The following SCLT1 variants were observed in gnomAD, a reference collection of about 807,000 sequenced individuals.
The protein encoded by SCLT1 is sodium channel-associated protein 1.
A neutral mutation model predicts 112.8 loss-of-function variants in SCLT1; 78 were observed. The ratio of observed to expected loss-of-function variants is 0.69; its 90% CI spans 0.58 to 0.83. The LOEUF is 0.83. Ranked by LOEUF, SCLT1 falls within the 40% of genes least tolerant of loss-of-function variation. The pLI is 0.00. For synonymous variants in SCLT1, 257 were observed against 254.7 expected, an observed-to-expected ratio of 1.01 and a Z score of -0.09; for missense variants, 747 against 770.4, an observed-to-expected ratio of 0.97 and a Z score of 0.36.
chr4:129,067,415 T>C (rs1750589136), intron 2 of SCLT1, among the ~76,000 whole-genome samples: 1 of 151,694 alleles, frequency 6.6e-6, no homozygotes, highest in South Asian at 2.1e-4. Flanking sequence ...TACCTCTTGG[T>C]GAACAAAATA....
chr4:129,091,960 G>A (rs1227825643), intron 1 of SCLT1, among the ~76,000 whole-genome samples: 1 of 152,120 alleles, frequency 6.6e-6, no homozygotes, highest in Non-Finnish European at 1.5e-5. Context: ...CGTTGCTCAA[G>A]CAAAAACTAA....
At chr4:128,972,707 C>A (rs1740794490) in intron 9 of SCLT1, among the ~76,000 whole-genome samples, 1 of 152,096 alleles carries the variant, frequency 6.6e-6, no homozygotes, top group Non-Finnish European at 1.5e-5. Context: ...CTTTTTCATT[C>A]TTTGGCCCAA....
chr4:129,028,588 A>G (rs934386862), intron 5 of SCLT1, among the ~76,000 whole-genome samples: 3 of 152,216 alleles, frequency 2.0e-5, no homozygotes, highest in African/African-American at 7.2e-5. Context: ...AAGAAAACCT[A>G]TGCATTACCA....
At chr4:129,063,189 T>C (rs1345384771) in intron 2 of SCLT1, among the ~76,000 whole-genome samples, 1 of 152,242 alleles carries the variant, frequency 6.6e-6, no homozygotes, top group Non-Finnish European at 1.5e-5. Flanking sequence ...CACTTTTCAT[T>C]TCATTAACTG....
At chr4:128,999,173 C>T (rs1579643907) in intron 7 of SCLT1, among the ~76,000 whole-genome samples, 2 of 152,046 alleles carry the variant, frequency 1.3e-5, no homozygotes, top group East Asian at 3.9e-4. Context: ...ATTAAGATAC[C>T]TTCCTGTTGT....
chr4:128,981,751 A>G (rs1741674766), intron 9 of SCLT1, among the ~76,000 whole-genome samples: 2 of 150,250 alleles, frequency 1.3e-5, no homozygotes, highest in South Asian at 2.1e-4. Context: ...AAAAAAAAAG[A>G]AAAAAAAAGA....
Position 128,888,739 on chromosome 4 carries a change from G to C in SCLT1, c.1944C>G (p.Ala648=), listed in dbSNP as rs760981423. ...GACTTAGACGCCTTTGAAGTCTGTT[G>C]GCTTTTTCTTGATGCTCTAGAATTA... The part of the protein sequence containing the change: ...EKLILEHQEK[A]NRLQRRLSQA... Residue 648 remains alanine, a synonymous_variant, in exon 20 of 21, where the codon GCC becomes GCG. Transcript: ENST00000281142. 8 of 1,612,568 alleles carry C rather than the reference G, an allele frequency of 5.0e-6. No individual in the cohort carries two copies. Among genetic ancestry groups the C allele is most frequent in the Admixed American group, 1.7e-5 (1 of 59,928 alleles).
intron 2 of SCLT1, among the ~76,000 whole-genome samples, chr4:129,075,454 T>C (rs1275510696): frequency 1.3e-5 from 2 of 152,208 alleles, no homozygotes; most frequent in African/African-American, 4.8e-5. Context: ...CCTAGCATCA[T>C]GGGATGATGC....
At position 128,906,837 on chromosome 4, in the gene SCLT1, T is replaced by C. The variant is rs1188375964; in HGVS notation, c.1830-15700A>G. 2.0e-5 allele frequency among the ~76,000 whole-genome samples: 3 copies of C among 152,194 alleles called. No individual in the cohort carries two copies. The South Asian group carries it at 6.2e-4, about 31-fold the overall frequency. ...CTAGTCACTGCCATAGTGAAACTTA[T>C]GAACCACTAGAAATATTGGAAAGCT... On this transcript the variant is annotated intron_variant, in intron 18 of 20. Coordinates refer to ENST00000281142, the MANE Select transcript of SCLT1 (RefSeq NM_144643.4).
intron 9 of SCLT1, among the ~76,000 whole-genome samples, chr4:128,975,136 T>C (rs187829031): frequency 6.8e-6 from 1 of 147,576 alleles, no homozygotes; most frequent in African/African-American, 2.6e-5. Flanking sequence ...CCTCCTGGGT[T>C]CACGCCATTC....
At chr4:128,888,650 T>C (rs757872627) in intron 20 of SCLT1, 29 bp downstream of exon 20, 1 of 1,330,522 alleles carries the variant, frequency 7.5e-7, no homozygotes, top group Non-Finnish European at 1.1e-6. Context: ...GAACTGTTTA[T>C]TATCTAGGGA....
rs140699277 is a variant in SCLT1, at chr4:129,062,342, G to C, written c.103-18291C>G. Among the ~76,000 whole-genome samples, 521 of 152,110 alleles carry C rather than the reference G, an allele frequency of 3.4e-3. 4 individuals are homozygous for C. The highest frequency in any genetic ancestry group is 4.9e-3 in the Non-Finnish European group (331 of 67,994). ...TATGTTGTTCTGGCTATCTTTGTGAGGGGAACAATTGCTAGAGTCTTCTAC... is the reference window on the plus strand; with the variant it reads ...TATGTTGTTCTGGCTATCTTTGTGACGGGAACAATTGCTAGAGTCTTCTAC... On this transcript the variant is annotated intron_variant, in intron 2 of 20. Transcript: ENST00000281142.
At chr4:129,010,727 G>A (rs1480031584) in intron 5 of SCLT1, among the ~76,000 whole-genome samples, 1 of 151,994 alleles carries the variant, frequency 6.6e-6, no homozygotes. Context: ...TGGCTTGACT[G>A]TTTTTTTGTG....
chr4:129,010,313 T>C (rs1191350816), intron 5 of SCLT1, among the ~76,000 whole-genome samples: 1 of 152,238 alleles, frequency 6.6e-6, no homozygotes, highest in Non-Finnish European at 1.5e-5. Flanking sequence ...TTTTGGTTAC[T>C]GTAGCCCTGC....
At chr4:128,873,281 G>GAAAAAA (rs1281020527) in intron 5 of SCLT1, 1 of 105,638 alleles carries the variant, frequency 9.5e-6, no homozygotes, top group Non-Finnish European at 2.0e-5. Context: ...AAGAAAAAAA[G>GAAAAAA]AAAAAAAAAA....
At chr4:128,896,118 A>G (rs1027293849) in intron 18 of SCLT1, among the ~76,000 whole-genome samples, 10 of 152,264 alleles carry the variant, frequency 6.6e-5, no homozygotes, top group African/African-American at 2.2e-4. Flanking sequence ...GGGGCAGGGC[A>G]TTGCCAAACA....
intron 18 of SCLT1, among the ~76,000 whole-genome samples, chr4:128,911,662 C>A (rs1009108628): frequency 6.6e-6 from 1 of 152,166 alleles, no homozygotes; most frequent in African/African-American, 2.4e-5. Context: ...TTTTAAAAAT[C>A]ACAGGTACTG....
chr4:129,005,061 TGTA>T (rs1224752320), intron 5 of SCLT1, among the ~76,000 whole-genome samples: 1 of 152,046 alleles, frequency 6.6e-6, no homozygotes, highest in Non-Finnish European at 1.5e-5. Context: ...TTATTAATTC[TGTA>T]ATATATTTTC....
At chr4:128,912,381 C>T (rs916334466) in intron 18 of SCLT1, among the ~76,000 whole-genome samples, 3 of 152,032 alleles carry the variant, frequency 2.0e-5, no homozygotes, top group African/African-American at 4.8e-5. Context: ...GGTAGATTAT[C>T]ACCTTTGTAA....
Sources: allele counts gnomAD v4.1 joint callset (sites outside exome capture counted in the v4.1 genomes callset), GRCh38; gene constraint gnomAD v4.1.1; transcripts MANE v1.5; gene names NCBI Gene and HGNC (gene_info 2026-07-23, HGNC 2026-07-21).